The following ZNF521 variants were observed in gnomAD, a reference collection of about 807,000 sequenced individuals.
ZNF521 encodes the protein zinc finger protein 521.
Under a neutral mutation model 105.5 loss-of-function variants are expected in ZNF521, and 14 were observed. The ratio of observed to expected loss-of-function variants is 0.13; its 90% CI spans 0.09 to 0.21. The LOEUF (loss-of-function observed/expected upper bound fraction) is 0.21, where lower values mean the gene tolerates loss of function less well. ZNF521 is among the 10% of genes least tolerant of loss of function. The pLI is 1.00. For missense variants in ZNF521, 1,233 were observed against 1,629.7 expected, an observed-to-expected ratio of 0.76 and a Z score of 4.19; for synonymous variants, 635 against 606.0, an observed-to-expected ratio of 1.05 and a Z score of -0.70.
chr18:25,197,409 CT>C (rs1294659129), intron 4 of ZNF521, among the ~76,000 whole-genome samples: 1 of 151,774 alleles, frequency 6.6e-6, no homozygotes, highest in Non-Finnish European at 1.5e-5. Context: ...TAAGGGTTTT[CT>C]TTTTAAAGCC....
chr18:25,318,409 G>A (rs1336310879), intron 3 of ZNF521, among the ~76,000 whole-genome samples: 3 of 152,058 alleles, frequency 2.0e-5, no homozygotes, highest in African/African-American at 7.2e-5. Flanking sequence ...TATTTATTTT[G>A]CCAAAATTCA....
At chr18:25,118,317 A>G (rs2034369131) in intron 5 of ZNF521, among the ~76,000 whole-genome samples, 2 of 152,086 alleles carry the variant, frequency 1.3e-5, no homozygotes, top group South Asian at 2.1e-4. Context: ...ATATTAGACC[A>G]GATGAAAGCT....
At chr18:25,218,033 AT>A (rs1185468094) in intron 4 of ZNF521, among the ~76,000 whole-genome samples, 1 of 152,186 alleles carries the variant, frequency 6.6e-6, no homozygotes, top group Non-Finnish European at 1.5e-5. Context: ...TGTGTGGTTA[AT>A]TAAAGTGCTT....
intron 3 of ZNF521, among the ~76,000 whole-genome samples, chr18:25,299,000 C>T (rs1356266757): frequency 1.3e-5 from 2 of 152,266 alleles, no homozygotes; most frequent in East Asian, 1.9e-4. Context: ...ACATCCTGGG[C>T]GCAGTAGCAG....
chr18:25,151,328 A>T (rs908446139), intron 5 of ZNF521, among the ~76,000 whole-genome samples: 6 of 152,162 alleles, frequency 3.9e-5, no homozygotes. Context: ...AGTTTCTTTG[A>T]TAAACCTTCT....
At chr18:25,295,341 A>G (rs1911266827) in intron 3 of ZNF521, among the ~76,000 whole-genome samples, 1 of 152,108 alleles carries the variant, frequency 6.6e-6, no homozygotes, top group Non-Finnish European at 1.5e-5. Flanking sequence ...TCATTCATTC[A>G]TTTTCTCTGC....
intron 7 of ZNF521, among the ~76,000 whole-genome samples, chr18:25,075,148 CG>C (rs978706015): frequency 6.6e-6 from 1 of 152,128 alleles, no homozygotes; most frequent in African/African-American, 2.4e-5. Flanking sequence ...GGCCAGGCAA[CG>C]GGAGGCCTCA....
In ZNF521 at chr18:25,074,061, C is replaced by CGTGCGTGT. The variant is rs1567949549; in HGVS notation, c.3907-11321_3907-11320insACACGCAC. Among the ~76,000 whole-genome samples the CGTGCGTGT allele has an allele frequency of 8.5e-5, 10 of 118,128 alleles. No homozygotes were observed. The South Asian group carries it at 1.9e-3, about 22-fold the overall frequency. 77.5% of individuals were successfully genotyped at this position (118,128 alleles called of 152,430 possible). A position where few individuals can be genotyped will look rare whatever the true frequency, so the allele number is the denominator to read the frequency against. ...ATGTGTGTGTCTGTGCACATGTGTG[C>CGTGCGTGT]GCACGCGTGTGTGCGTGCGTGTGTG... On this transcript the variant is annotated intron_variant, in intron 7 of 7. Transcript: ENST00000361524.
At chr18:25,252,558 A>G (rs1216551275) in intron 3 of ZNF521, among the ~76,000 whole-genome samples, 1 of 152,068 alleles carries the variant, frequency 6.6e-6, no homozygotes, top group African/African-American at 2.4e-5. Context: ...AGCAATCCAG[A>G]TCATAAAATA....
At chr18:25,135,403 T>C (rs772199249) in intron 5 of ZNF521, among the ~76,000 whole-genome samples, 3 of 152,000 alleles carry the variant, frequency 2.0e-5, no homozygotes, top group Non-Finnish European at 4.4e-5. Context: ...ATGTTTCTTT[T>C]CCTTTTTGTT....
intron 5 of ZNF521, among the ~76,000 whole-genome samples, chr18:25,160,006 T>C (rs1377732720): frequency 6.6e-6 from 1 of 151,932 alleles, no homozygotes; most frequent in East Asian, 1.9e-4. Flanking sequence ...TATCAGAAAA[T>C]GCTTAAGGAA....
chr18:25,068,782 T>C (rs993398802), intron 7 of ZNF521, among the ~76,000 whole-genome samples: 27 of 152,186 alleles, frequency 1.8e-4, no homozygotes, highest in South Asian at 2.1e-4. Context: ...TGCAGACCAT[T>C]ATGAGTCTGG....
At chr18:25,293,644 G>A (rs1261089270) in intron 3 of ZNF521, among the ~76,000 whole-genome samples, 3 of 152,096 alleles carry the variant, frequency 2.0e-5, no homozygotes, top group Non-Finnish European at 4.4e-5. Context: ...CTGTGGAATC[G>A]TTGGCTGCTT....
At chr18:25,156,967 G>A (rs2144507806) in intron 5 of ZNF521, among the ~76,000 whole-genome samples, 1 of 152,264 alleles carries the variant, frequency 6.6e-6, no homozygotes, top group East Asian at 1.9e-4. Context: ...AAGAGGCCGA[G>A]GCGGGCAGAT....
At chr18:25,298,965 A>G (rs1212562351) in intron 3 of ZNF521, among the ~76,000 whole-genome samples, 12 of 152,158 alleles carry the variant, frequency 7.9e-5, no homozygotes, top group Admixed American at 6.5e-4. Flanking sequence ...CCAGACCACA[A>G]ACATGGATAC....
intron 3 of ZNF521, among the ~76,000 whole-genome samples, chr18:25,268,377 A>G (rs939878706): frequency 1.3e-5 from 2 of 152,242 alleles, no homozygotes; most frequent in African/African-American, 4.8e-5. Flanking sequence ...ATTAATCAGG[A>G]GAACTTACCC....
intron 3 of ZNF521, among the ~76,000 whole-genome samples, chr18:25,249,209 T>TCTCGGCTCACTG (rs1275888340): frequency 2.0e-5 from 3 of 151,640 alleles, no homozygotes; most frequent in Non-Finnish European, 4.4e-5. Flanking sequence ...AGTGGTGCAA[T>TCTCGGCTCACTG]CTCGGCTCAC....
chr18:25,350,749 T>C (rs1310966391), intron 2 of ZNF521, among the ~76,000 whole-genome samples, 158 bp downstream of exon 2: 1 of 147,486 alleles, frequency 6.8e-6, no homozygotes, highest in African/African-American at 2.5e-5. Flanking sequence ...TCACCCTCAC[T>C]CCACCTAGGG....
intron 7 of ZNF521, among the ~76,000 whole-genome samples, chr18:25,081,132 G>C (rs1250968018): frequency 6.6e-6 from 1 of 151,988 alleles, no homozygotes; most frequent in African/African-American, 2.4e-5. Flanking sequence ...ATTTCCAGGG[G>C]GTGGGAGGGA....
Sources: gnomAD v4.1 joint callset for allele counts (sites outside exome capture counted in the v4.1 genomes callset) on GRCh38, gnomAD v4.1.1 for gene constraint, MANE v1.5 for transcripts, NCBI Gene and HGNC (gene_info 2026-07-23, HGNC 2026-07-21) for gene names.